Variants in PHACTR1 observed in about 807,000 individuals in gnomAD.
PHACTR1 encodes the protein RPEL repeat containing 1.
A neutral mutation model predicts 69.2 loss-of-function variants in PHACTR1; 16 were observed. The ratio of observed to expected loss-of-function variants is 0.23; its 90% CI spans 0.16 to 0.35. PHACTR1 has a LOEUF of 0.35. PHACTR1 is among the 10% of genes least tolerant of loss of function. The pLI is 1.00. For missense variants in PHACTR1, 510 were observed against 734.7 expected, an observed-to-expected ratio of 0.69 and a Z score of 3.54; for synonymous variants, 312 against 284.5, an observed-to-expected ratio of 1.10 and a Z score of -0.97.
intron 5 of PHACTR1, among the ~76,000 whole-genome samples, chr6:13,063,179 C>T (rs1222485930): frequency 6.6e-6 from 1 of 152,076 alleles, no homozygotes; most frequent in Admixed American, 6.6e-5. Flanking sequence ...AAGTCCATAC[C>T]ATTGCAACAG....
intron 5 of PHACTR1, among the ~76,000 whole-genome samples, chr6:13,088,069 C>G (rs1235420087): frequency 6.6e-6 from 1 of 152,098 alleles, no homozygotes; most frequent in African/African-American, 2.4e-5. Flanking sequence ...CTTACCCCCT[C>G]TATTTAACAT....
At chr6:13,159,731 G>A (rs191520478) in intron 5 of PHACTR1, among the ~76,000 whole-genome samples, 2 of 152,324 alleles carry the variant, frequency 1.3e-5, no homozygotes, top group African/African-American at 2.4e-5. Context: ...CACGAGGTCA[G>A]GAGATCAAGA....
At chr6:12,721,251 T>C (rs1034767895) in intron 3 of PHACTR1, among the ~76,000 whole-genome samples, 1 of 151,992 alleles carries the variant, frequency 6.6e-6, no homozygotes, top group African/African-American at 2.4e-5. Flanking sequence ...CCAGGCGCAG[T>C]GGCATGCCTG....
At chr6:12,725,968 T>C (rs1051469621) in intron 3 of PHACTR1, among the ~76,000 whole-genome samples, 13 of 152,256 alleles carry the variant, frequency 8.5e-5, no homozygotes, top group African/African-American at 2.4e-4. Flanking sequence ...TTATTCAAGA[T>C]TTAGAAAATA....
chr6:12,904,788 A>T (rs1785553320), intron 4 of PHACTR1, among the ~76,000 whole-genome samples: 1 of 152,094 alleles, frequency 6.6e-6, no homozygotes, highest in Non-Finnish European at 1.5e-5. Context: ...GCACGGTCTG[A>T]CTTCTGAGAG....
chr6:12,889,498 A>G (rs895277945), intron 4 of PHACTR1, among the ~76,000 whole-genome samples: 9 of 152,196 alleles, frequency 5.9e-5, no homozygotes, highest in African/African-American at 2.2e-4. Context: ...AATTAAAATG[A>G]TTTTGTCGGC....
chr6:12,912,248 C>A (rs961707563), intron 4 of PHACTR1, among the ~76,000 whole-genome samples: 1 of 152,218 alleles, frequency 6.6e-6, no homozygotes, highest in African/African-American at 2.4e-5. Flanking sequence ...GATCCACCCA[C>A]CTTGTCCTCC....
chr6:13,114,380 A>T (rs758330905), intron 5 of PHACTR1, among the ~76,000 whole-genome samples: 1 of 152,180 alleles, frequency 6.6e-6, no homozygotes, highest in South Asian at 2.1e-4. Flanking sequence ...GGAATAATGG[A>T]TAGTCTCTCC....
At chr6:12,832,686 C>A (rs1561926627) in intron 4 of PHACTR1, among the ~76,000 whole-genome samples, 2 of 151,934 alleles carry the variant, frequency 1.3e-5, no homozygotes, top group Non-Finnish European at 2.9e-5. Context: ...TTTCACTTAC[C>A]CCATTGCTTG....
chr6:12,802,475 A>G (rs1480022348), intron 4 of PHACTR1, among the ~76,000 whole-genome samples: 1 of 152,152 alleles, frequency 6.6e-6, no homozygotes, highest in Admixed American at 6.6e-5. Context: ...TGATGTATAT[A>G]CAAGTATCAG....
chr6:13,140,489 C>T (rs966139410), intron 5 of PHACTR1, among the ~76,000 whole-genome samples: 2 of 152,100 alleles, frequency 1.3e-5, no homozygotes, highest in Non-Finnish European at 2.9e-5. Context: ...TTGTATAGCA[C>T]GGATGACCCT....
chr6:12,809,445 A>G (rs578133273), intron 4 of PHACTR1, among the ~76,000 whole-genome samples: 2 of 152,328 alleles, frequency 1.3e-5, no homozygotes, highest in South Asian at 4.1e-4. Context: ...AGTTATTCAC[A>G]GCATTGCTCT....
intron 5 of PHACTR1, among the ~76,000 whole-genome samples, chr6:13,110,201 G>GT (rs1816812236): frequency 6.6e-6 from 1 of 151,852 alleles, no homozygotes; most frequent in Non-Finnish European, 1.5e-5. Context: ...GTATCTTGTA[G>GT]TTTTTTATTA....
chr6:12,733,734 G>A (rs1362867775), intron 3 of PHACTR1, among the ~76,000 whole-genome samples: 4 of 152,266 alleles, frequency 2.6e-5, no homozygotes, highest in South Asian at 2.1e-4. Flanking sequence ...AGTTTGCCAC[G>A]CAAAGATATG....
intron 4 of PHACTR1, among the ~76,000 whole-genome samples, chr6:12,767,358 A>G (rs564243648): frequency 1.3e-5 from 2 of 152,372 alleles, no homozygotes; most frequent in South Asian, 4.1e-4. Flanking sequence ...TAAGAAAGTC[A>G]TTATATGTAG....
At chr6:13,215,745 A>C (rs1399994507) in intron 8 of PHACTR1, among the ~76,000 whole-genome samples, 1 of 152,236 alleles carries the variant, frequency 6.6e-6, no homozygotes, top group Non-Finnish European at 1.5e-5. Context: ...CTCTAACTGC[A>C]GATTAGATAT....
At chr6:13,259,445 G>A (rs1044500300) in intron 10 of PHACTR1, among the ~76,000 whole-genome samples, 4 of 152,114 alleles carry the variant, frequency 2.6e-5, no homozygotes, top group Non-Finnish European at 5.9e-5. Flanking sequence ...TTAGCCACAG[G>A]CCATTGCACT....
chr6:13,114,310 G>C (rs1204555715), intron 5 of PHACTR1, among the ~76,000 whole-genome samples: 1 of 152,080 alleles, frequency 6.6e-6, no homozygotes, highest in Non-Finnish European at 1.5e-5. Flanking sequence ...CTCTGGAGTG[G>C]AGAGAGAAGT....
chr6:12,897,238 A>T (rs1451089375), intron 4 of PHACTR1, among the ~76,000 whole-genome samples: 1 of 152,190 alleles, frequency 6.6e-6, no homozygotes, highest in Non-Finnish European at 1.5e-5. Context: ...TTTTCACTTC[A>T]TCTCCATGTG....
Sources: gnomAD v4.1 joint callset for allele counts (sites outside exome capture counted in the v4.1 genomes callset) on GRCh38, gnomAD v4.1.1 for gene constraint, MANE v1.5 for transcripts, NCBI Gene and HGNC (gene_info 2026-07-23, HGNC 2026-07-21) for gene names.